Variants in OVCH1 observed in about 807,000 individuals in gnomAD.
The protein encoded by OVCH1 is ovochymase 1.
A neutral mutation model predicts 138.4 loss-of-function variants in OVCH1; 139 were observed. The observed-to-expected ratio is 1.00, with a 90% CI of 0.87 to 1.16. OVCH1 has a LOEUF of 1.16. Ranked by LOEUF, OVCH1 falls within the 50% of genes most tolerant of loss-of-function variation. The pLI is 0.00. For missense variants in OVCH1, 1,367 were observed against 1,357.9 expected, an observed-to-expected ratio of 1.01 and a Z score of -0.11; for synonymous variants, 453 against 467.8, an observed-to-expected ratio of 0.97 and a Z score of 0.41.
At chr12:29,461,519 G>A (rs767291694) in intron 19 of OVCH1, among the ~76,000 whole-genome samples, 1 of 152,102 alleles carries the variant, frequency 6.6e-6, no homozygotes, top group African/African-American at 2.4e-5. Context: ...ACCTTTCTTT[G>A]TTATTCCTTT....
At chr12:29,496,510 T>G (rs1386243195) in intron 2 of OVCH1, 46 bp downstream of exon 2, 1 of 1,469,952 alleles carries the variant, frequency 6.8e-7, no homozygotes, top group African/African-American at 1.4e-5. Context: ...AAAGGAAATA[T>G]TTCACTGTTT....
intron 21 of OVCH1, among the ~76,000 whole-genome samples, chr12:29,454,055 C>T (rs117719391): frequency 0.026 from 3,883 of 152,170 alleles, 81 homozygotes; most frequent in South Asian, 0.063. Flanking sequence ...CCACAGGCTC[C>T]GATCTCCATC....
At chr12:29,432,636 A>G (rs1165485054) in intron 27 of OVCH1, among the ~76,000 whole-genome samples, 1 of 152,212 alleles carries the variant, frequency 6.6e-6, no homozygotes, top group East Asian at 1.9e-4. Flanking sequence ...GGGACTGGAT[A>G]TATAAATTTG....
At chr12:29,488,382 C>A (rs67808120) in intron 6 of OVCH1, among the ~76,000 whole-genome samples, 1 of 151,762 alleles carries the variant, frequency 6.6e-6, no homozygotes, top group African/African-American at 2.4e-5. Flanking sequence ...CTTTGGGAGG[C>A]GGGGCTGGTG....
chr12:29,465,166 A>T, exon 17 of OVCH1: 1 of 1,603,946 alleles, frequency 6.2e-7, no homozygotes, highest in East Asian at 2.2e-5. Context: ...TGATTCCTTC[A>T]GGTTTCTGTC....
chr12:29,495,727 T>C (rs1943398147), intron 3 of OVCH1, among the ~76,000 whole-genome samples: 1 of 152,192 alleles, frequency 6.6e-6, no homozygotes, highest in South Asian at 2.1e-4. Context: ...AGTTCACACA[T>C]GCAATGCCAT....
At chr12:29,445,940 TCTAAA>T (rs1199283043) in intron 22 of OVCH1, among the ~76,000 whole-genome samples, 1 of 152,100 alleles carries the variant, frequency 6.6e-6, no homozygotes, top group Non-Finnish European at 1.5e-5. Flanking sequence ...ATCAAACTCT[TCTAAA>T]CTAAGAATAA....
chr12:29,459,491 T>C (rs1942059319), intron 19 of OVCH1, among the ~76,000 whole-genome samples: 2 of 152,044 alleles, frequency 1.3e-5, no homozygotes, highest in Admixed American at 6.6e-5. Context: ...GGCTGGGAAG[T>C]GTAGTGGGTG....
At chr12:29,473,151 T>G in intron 14 of OVCH1, 48 bp from the exon 15 acceptor site, 1 of 1,342,596 alleles carries the variant, frequency 7.4e-7, no homozygotes, top group Non-Finnish European at 1.0e-6. Context: ...GAAGTTGCAC[T>G]AACTGACCCC....
At chr12:29,427,594 T>C (rs1432728898) in exon 28 of OVCH1, 2 of 1,551,304 alleles carry the variant, frequency 1.3e-6, no homozygotes, top group Non-Finnish European at 1.7e-6. Flanking sequence ...AGTGAGCCCT[T>C]AGCAGGCACC....
intron 7 of OVCH1, chr12:29,487,001 G>A (rs541942514): frequency 6.7e-6 from 3 of 446,608 alleles, no homozygotes; most frequent in South Asian, 4.8e-5. Context: ...CTGAGGAAGT[G>A]CTGGCCTGTG....
At chr12:29,464,236 G>A (rs1942237793) in intron 18 of OVCH1, among the ~76,000 whole-genome samples, 1 of 152,136 alleles carries the variant, frequency 6.6e-6, no homozygotes, top group Non-Finnish European at 1.5e-5. Context: ...CAGATGACCT[G>A]CAAAGCCTAA....
At chr12:29,479,823 T>C (rs1469730033) in intron 8 of OVCH1, among the ~76,000 whole-genome samples, 1 of 131,696 alleles carries the variant, frequency 7.6e-6, no homozygotes, top group Non-Finnish European at 1.7e-5. Context: ...CTCTTTTTTT[T>C]CTTTTTTTTT....
rs186993694 is a variant in OVCH1 at position 29,444,142 on chromosome 12, T to C, written c.3017+3A>G. The C allele has an allele frequency of 4.4e-6, 7 of 1,594,178 alleles. No homozygotes were observed. In the East Asian group the frequency reaches 1.6e-4, roughly 36 times the overall value. On this transcript the variant is annotated splice_donor_region_variant and intron_variant, in intron 24 of 27. Transcript: ENST00000318184. The stretch of plus-strand genomic sequence containing the variant: ...TCCATTATAATAATCATGACTTCCT[T>C]ACCCCATAGTAGTTCTGTGAGAATT...
chr12:29,432,916 A>G (rs1420181582), intron 27 of OVCH1, among the ~76,000 whole-genome samples: 1 of 152,150 alleles, frequency 6.6e-6, no homozygotes, highest in Non-Finnish European at 1.5e-5. Flanking sequence ...GACTTGTGGA[A>G]GTCATTGATA....
downstream of OVCH1, among the ~76,000 whole-genome samples, chr12:29,425,653 T>C (rs368800483): frequency 1.2e-3 from 181 of 152,312 alleles, no homozygotes; most frequent in African/African-American, 4.2e-3. Flanking sequence ...TTGTCTCATA[T>C]TTAAAATGAA....
intron 21 of OVCH1, among the ~76,000 whole-genome samples, chr12:29,452,270 C>G (rs1941817528): frequency 6.6e-6 from 1 of 152,132 alleles, no homozygotes; most frequent in Non-Finnish European, 1.5e-5. Flanking sequence ...TATGCATGCT[C>G]TGCCCTAGAG....
chr12:29,414,269 AC>A (rs944681752), intron 3 of OVCH1, among the ~76,000 whole-genome samples: 1 of 151,118 alleles, frequency 6.6e-6, no homozygotes, highest in African/African-American at 2.4e-5. Flanking sequence ...CAGGTGATCC[AC>A]CCCCCTCAGC....
chr12:29,471,972 G>A, exon 16 of OVCH1: 1 of 1,610,928 alleles, frequency 6.2e-7, no homozygotes, highest in Non-Finnish European at 8.5e-7. Flanking sequence ...ATGGAGGGAT[G>A]CCACAGACAT....
Sources: allele counts gnomAD v4.1 joint callset (sites outside exome capture counted in the v4.1 genomes callset), GRCh38; gene constraint gnomAD v4.1.1; transcripts MANE v1.5; gene names NCBI Gene and HGNC (gene_info 2026-07-23, HGNC 2026-07-21).